Variants in HS6ST3 observed in about 807,000 individuals in gnomAD.
HS6ST3 encodes heparan sulfate 6-O-sulfotransferase 3, also known as heparan-sulfate 6-O-sulfotransferase 3.
Under a neutral mutation model 36.7 loss-of-function variants are expected in HS6ST3, and 12 were observed. The ratio of observed to expected loss-of-function variants is 0.33; its 90% CI spans 0.21 to 0.53. The LOEUF is 0.53. HS6ST3 is among the 20% of genes least tolerant of loss of function. HS6ST3 has a pLI of 0.95. For missense variants in HS6ST3, 584 were observed against 640.9 expected, an observed-to-expected ratio of 0.91 and a Z score of 0.96; for synonymous variants, 240 against 257.5, an observed-to-expected ratio of 0.93 and a Z score of 0.65.
At chr13:96,102,138 TA>T (rs1250897781) in intron 1 of HS6ST3, among the ~76,000 whole-genome samples, 3 of 152,200 alleles carry the variant, frequency 2.0e-5, no homozygotes, top group Admixed American at 2.0e-4. Flanking sequence ...GTGCCTTCTG[TA>T]TATTCGATGA....
chr13:96,290,381 G>A (rs1447061681), intron 1 of HS6ST3, among the ~76,000 whole-genome samples: 1 of 151,992 alleles, frequency 6.6e-6, no homozygotes, highest in Admixed American at 6.6e-5. Flanking sequence ...ATTTGTATTC[G>A]GTACAATTGC....
At chr13:96,196,534 A>G (rs1233800402) in intron 1 of HS6ST3, among the ~76,000 whole-genome samples, 3 of 152,196 alleles carry the variant, frequency 2.0e-5, no homozygotes, top group African/African-American at 7.2e-5. Flanking sequence ...GCATAGAGAG[A>G]ATGAGTAACT....
intron 1 of HS6ST3, among the ~76,000 whole-genome samples, chr13:96,164,492 G>A (rs55989807): frequency 6.6e-6 from 1 of 151,766 alleles, no homozygotes. Context: ...AGGAGTTTGA[G>A]GCTGCAGTTT....
Position 96,537,725 on chromosome 13 carries a change from A to G in HS6ST3, c.708-294765A>G, listed in dbSNP as rs1358962890. On this transcript the variant is annotated intron_variant, in intron 1 of 1. Transcript: ENST00000376705. The stretch of plus-strand genomic sequence containing the variant: ...ATTAGAAATCATTTTATCCTGGATC[A>G]GTTAATTTCATTAATGTGTCTCAAA... 2.0e-5 allele frequency among the ~76,000 whole-genome samples: 3 copies of G among 152,216 alleles called. 1 individual carries two copies. Among genetic ancestry groups the G allele is most frequent in the South Asian group, 4.1e-4 (2 of 4,834 alleles).
At chr13:96,331,469 G>T (rs1283086304) in intron 1 of HS6ST3, among the ~76,000 whole-genome samples, 1 of 152,240 alleles carries the variant, frequency 6.6e-6, no homozygotes, top group South Asian at 2.1e-4. Context: ...CCTGCCGGGG[G>T]GATGCCTCCC....
At chr13:96,703,259 G>C (rs766236293) in intron 1 of HS6ST3, among the ~76,000 whole-genome samples, 8 of 152,280 alleles carry the variant, frequency 5.3e-5, no homozygotes, top group East Asian at 1.9e-4. Flanking sequence ...ATTGACGTCG[G>C]CATTGCCCAT....
At chr13:96,472,545 C>T (rs1288222247) in intron 1 of HS6ST3, among the ~76,000 whole-genome samples, 7 of 152,188 alleles carry the variant, frequency 4.6e-5, no homozygotes, top group African/African-American at 1.7e-4. Flanking sequence ...ATGCCCTCCT[C>T]TGTGCTTCTT....
chr13:96,141,374 C>T (rs1427578875), intron 1 of HS6ST3, among the ~76,000 whole-genome samples: 1 of 151,556 alleles, frequency 6.6e-6, no homozygotes, highest in East Asian at 1.9e-4. Context: ...GAAACAGGGT[C>T]TTGCTCTGTT....
At chr13:96,456,634 T>C (rs954021439) in intron 1 of HS6ST3, among the ~76,000 whole-genome samples, 3 of 152,196 alleles carry the variant, frequency 2.0e-5, no homozygotes, top group African/African-American at 7.2e-5. Context: ...TACTTTATTA[T>C]GAAGTTAGCT....
chr13:96,747,874 T>G (rs991473717), intron 1 of HS6ST3, among the ~76,000 whole-genome samples: 1 of 152,042 alleles, frequency 6.6e-6, no homozygotes, highest in African/African-American at 2.4e-5. Flanking sequence ...CATTCCCATA[T>G]GAAAGTCTCT....
intron 1 of HS6ST3, among the ~76,000 whole-genome samples, chr13:96,495,129 G>C (rs1402511022): frequency 6.6e-6 from 1 of 152,108 alleles, no homozygotes; most frequent in East Asian, 1.9e-4. Flanking sequence ...ATCACTCTGA[G>C]GAAGGTTTTG....
intron 1 of HS6ST3, among the ~76,000 whole-genome samples, chr13:96,402,558 C>T (rs2055457105): frequency 6.6e-6 from 1 of 152,166 alleles, no homozygotes. Flanking sequence ...CAATAAGTTC[C>T]TCGTGCCTCT....
At chr13:96,584,494 A>T (rs1225209834) in intron 1 of HS6ST3, among the ~76,000 whole-genome samples, 3 of 152,176 alleles carry the variant, frequency 2.0e-5, no homozygotes, top group African/African-American at 7.2e-5. Context: ...TATGTAGAAG[A>T]TTTGGTCTGT....
At chr13:96,367,884 C>T (rs539051573) in intron 1 of HS6ST3, among the ~76,000 whole-genome samples, 1 of 152,276 alleles carries the variant, frequency 6.6e-6, no homozygotes, top group African/African-American at 2.4e-5. Flanking sequence ...ACTGTTCTAA[C>T]TTTACATCCA....
At chr13:96,370,631 G>A (rs940303445) in intron 1 of HS6ST3, among the ~76,000 whole-genome samples, 2 of 152,164 alleles carry the variant, frequency 1.3e-5, no homozygotes, top group African/African-American at 4.8e-5. Context: ...TCCATTATTG[G>A]CCAGGTGTGG....
At chr13:96,192,991 C>CCTCCCTGATTGCTGCTGTTCCT (rs1433291844) in intron 1 of HS6ST3, among the ~76,000 whole-genome samples, 1 of 152,112 alleles carries the variant, frequency 6.6e-6, no homozygotes, top group Non-Finnish European at 1.5e-5. Flanking sequence ...TGTCTGTCAG[C>CCTCCCTGATTGCTGCTGTTCCT]CTCCCTGATT....
intron 1 of HS6ST3, among the ~76,000 whole-genome samples, chr13:96,459,287 A>G (rs1302339989): frequency 1.3e-5 from 2 of 151,980 alleles, no homozygotes; most frequent in African/African-American, 2.4e-5. Context: ...ATACATGTCT[A>G]TAGAACTTCT....
At chr13:96,568,655 T>C (rs1430676612) in intron 1 of HS6ST3, among the ~76,000 whole-genome samples, 2 of 152,172 alleles carry the variant, frequency 1.3e-5, no homozygotes, top group Non-Finnish European at 2.9e-5. Context: ...GAAATATTTA[T>C]CATTTAGTGA....
chr13:96,213,511 G>C (rs900084400), intron 1 of HS6ST3, among the ~76,000 whole-genome samples: 2 of 150,180 alleles, frequency 1.3e-5, no homozygotes, highest in Non-Finnish European at 3.0e-5. Context: ...ATGGCCGACT[G>C]CCTCTGTGTA....
Sources: allele counts gnomAD v4.1 joint callset (sites outside exome capture counted in the v4.1 genomes callset), GRCh38; gene constraint gnomAD v4.1.1; transcripts MANE v1.5; gene names NCBI Gene and HGNC (gene_info 2026-07-23, HGNC 2026-07-21).